The following DRC5 variants were observed in gnomAD, a reference collection of about 807,000 sequenced individuals.
DRC5 encodes dynein regulatory complex subunit 5, also known as T-complex-associated testis-expressed protein 1.
chr6:44,287,873 G>A, the DRC5 span: 1 of 1,580,200 alleles, frequency 6.3e-7, no homozygotes. Context: ...ATGGCCTTAT[G>A]ACAAGAAGCT....
chr6:44,280,493 C>T, the DRC5 span: 2 of 790,216 alleles, frequency 2.5e-6, no homozygotes, highest in Non-Finnish European at 4.1e-6. Context: ...AAAAGTTTCA[C>T]AAAACAATAC....
chr6:44,282,423 G>A, the DRC5 span: 2 of 1,614,032 alleles, frequency 1.2e-6, no homozygotes, highest in South Asian at 1.1e-5. Context: ...CAGCAGCTTG[G>A]CAGCACCTCG....
the DRC5 span, chr6:44,287,598 C>A: frequency 6.2e-7 from 1 of 1,614,030 alleles, no homozygotes; most frequent in South Asian, 1.1e-5. Flanking sequence ...TGAGGAGGGG[C>A]ACGATGGCCA....
chr6:44,297,133 G>C, the DRC5 span, among the ~76,000 whole-genome samples: 1 of 152,200 alleles, frequency 6.6e-6, no homozygotes, highest in South Asian at 2.1e-4. Context: ...AAGGCCAGGA[G>C]TCCCTCCCCC....
At chr6:44,279,029 C>T in the DRC5 span, 108,860 of 152,134 alleles carry the variant, frequency 0.72, 40,182 homozygotes, top group Non-Finnish European at 0.81. Context: ...GCCTGCTTAG[C>T]GGAAGGAGTC....
chr6:44,290,201 G>A, the DRC5 span, among the ~76,000 whole-genome samples: 1 of 151,938 alleles, frequency 6.6e-6, no homozygotes, highest in South Asian at 2.1e-4. Flanking sequence ...CTGCTTAGTG[G>A]TACCGGCTGA....
chr6:44,282,023 ACT>A, the DRC5 span: 2 of 1,304,148 alleles, frequency 1.5e-6, no homozygotes, highest in East Asian at 2.5e-5. Flanking sequence ...TAGTATGTAA[ACT>A]CTGTGATCTT....
the DRC5 span, chr6:44,286,643 C>T: frequency 1.1e-6 from 1 of 926,788 alleles, no homozygotes; most frequent in Non-Finnish European, 1.6e-6. Flanking sequence ...AGACCCTTCC[C>T]TGCTTAGGGG....
At chr6:44,287,846 G>T in the DRC5 span, 2 of 1,608,442 alleles carry the variant, frequency 1.2e-6, no homozygotes, top group Admixed American at 3.3e-5. Flanking sequence ...GGCAAGGTAG[G>T]GGTGCGTGGC....
the DRC5 span, among the ~76,000 whole-genome samples, chr6:44,290,621 G>C: frequency 6.6e-6 from 1 of 152,160 alleles, no homozygotes; most frequent in African/African-American, 2.4e-5. Flanking sequence ...GAGGCAACAG[G>C]CCAGCCCAAC....
chr6:44,292,477 C>T, the DRC5 span, among the ~76,000 whole-genome samples: 7 of 152,218 alleles, frequency 4.6e-5, no homozygotes, highest in African/African-American at 1.7e-4. Flanking sequence ...CCCACACCCA[C>T]ACTAGACTGT....
At chr6:44,284,089 G>T in the DRC5 span, among the ~76,000 whole-genome samples, 1 of 151,876 alleles carries the variant, frequency 6.6e-6, no homozygotes, top group South Asian at 2.1e-4. Flanking sequence ...TTTCCCCTTC[G>T]CAGCCAAGTT....
chr6:44,279,877 C>T, the DRC5 span: 1 of 274,600 alleles, frequency 3.6e-6, no homozygotes, highest in Non-Finnish European at 6.9e-6. Flanking sequence ...GAGAATCTGG[C>T]AGGCACAGTC....
At chr6:44,285,783 C>T in the DRC5 span, among the ~76,000 whole-genome samples, 4 of 152,118 alleles carry the variant, frequency 2.6e-5, no homozygotes, top group African/African-American at 7.2e-5. Flanking sequence ...GGGAGAGCAG[C>T]GCCTTGTTCA....
the DRC5 span, among the ~76,000 whole-genome samples, chr6:44,281,048 C>T: frequency 1.3e-5 from 2 of 152,126 alleles, no homozygotes; most frequent in South Asian, 2.1e-4. Context: ...TGCGCGCATG[C>T]ACGTGTGTGT....
At chr6:44,289,042 C>CTT in the DRC5 span, among the ~76,000 whole-genome samples, 86 of 78,952 alleles carry the variant, frequency 1.1e-3, 3 homozygotes, top group Middle Eastern at 0.011. Flanking sequence ...GTGAAATTAG[C>CTT]TTTTTTTTTT....
the DRC5 span, among the ~76,000 whole-genome samples, chr6:44,293,574 C>T: frequency 0.035 from 5,281 of 152,304 alleles, 145 homozygotes; most frequent in African/African-American, 0.071. Flanking sequence ...CCTAAAACAC[C>T]TATGAGAGCT....
At chr6:44,282,535 C>A in the DRC5 span, 5 of 1,595,178 alleles carry the variant, frequency 3.1e-6, no homozygotes, top group Non-Finnish European at 4.3e-6. Flanking sequence ...TCATCATCCA[C>A]CTTGCTTCGG....
the DRC5 span, among the ~76,000 whole-genome samples, chr6:44,292,552 A>T: frequency 6.6e-6 from 1 of 152,142 alleles, no homozygotes; most frequent in African/African-American, 2.4e-5. Flanking sequence ...GCCCAGTGGT[A>T]GGTCTGCTTT....
Sources: gnomAD v4.1 joint callset for allele counts (sites outside exome capture counted in the v4.1 genomes callset) on GRCh38, gnomAD v4.1.1 for gene constraint, MANE v1.5 for transcripts, NCBI Gene and HGNC (gene_info 2026-07-23, HGNC 2026-07-21) for gene names.